Variants in RIMKLB observed in about 807,000 individuals in gnomAD.
RIMKLB encodes the protein beta-citrylglutamate synthase B.
RIMKLB carries 7 observed loss-of-function variants against 32.0 expected under a neutral mutation model. That is an observed-to-expected ratio of 0.22 (90% CI 0.12 to 0.41). RIMKLB has a LOEUF of 0.41. Ranked by LOEUF, RIMKLB falls within the 10% of genes least tolerant of loss-of-function variation. The pLI is 1.00. For synonymous variants in RIMKLB, 172 were observed against 185.1 expected (o/e 0.93, Z 0.57); for missense variants, 289 against 498.7 (o/e 0.58, Z 4.00).
chr12:8,765,777 G>A (rs959836294), intron 5 of RIMKLB, among the ~76,000 whole-genome samples: 4 of 151,964 alleles, frequency 2.6e-5, no homozygotes, highest in African/African-American at 9.7e-5. Flanking sequence ...GGGGACACCG[G>A]GATAGGGAGG....
At chr12:8,720,214 C>T (rs113248870) in intron 2 of RIMKLB, among the ~76,000 whole-genome samples, 9 of 152,156 alleles carry the variant, frequency 5.9e-5, no homozygotes, top group African/African-American at 9.7e-5. Flanking sequence ...TTTGACACCA[C>T]AAAATCCATA....
chr12:8,763,956 G>A (rs924976857), intron 5 of RIMKLB, among the ~76,000 whole-genome samples: 1 of 152,156 alleles, frequency 6.6e-6, no homozygotes, highest in African/African-American at 2.4e-5. Context: ...GTCCAGAACT[G>A]TAAACCACTC....
At position 8,775,969 on chromosome 12, in the gene RIMKLB, T is replaced by C. The variant is rs1950702288; in HGVS notation, c.*2185T>C. 3.1e-6 allele frequency: 3 copies of C among 983,308 alleles called. No homozygotes were observed. Among genetic ancestry groups the C allele is most frequent in the South Asian group, 9.4e-5 (2 of 21,262 alleles). 60.9% of individuals were successfully genotyped at this position (983,308 alleles called of 1,614,324 possible). Reference sequence around the variant, plus strand: ...CGCTGAATGACCATACTGTGGAGGATGCATACTATTTGGTATAGAGAAATA... The same window carrying C: ...CGCTGAATGACCATACTGTGGAGGACGCATACTATTTGGTATAGAGAAATA... On this transcript the variant is annotated 3_prime_UTR_variant, in exon 6 of 6. Coordinates refer to ENST00000535829, the MANE Select transcript of RIMKLB (RefSeq NM_001297776.2).
chr12:8,678,161 CT>C (rs879939831), upstream of RIMKLB, among the ~76,000 whole-genome samples: 394 of 150,464 alleles, frequency 2.6e-3, no homozygotes, highest in Non-Finnish European at 4.8e-3. Flanking sequence ...TCTTATTTTT[CT>C]TTTTTTTAAT....
In RIMKLB at chr12:8,692,121, T is replaced by C. The variant is rs76437386; in HGVS notation, n.219+10303T>C. 1.4e-3 allele frequency among the ~76,000 whole-genome samples: 213 copies of C among 152,304 alleles called. 2 individuals are homozygous for C. In the East Asian group the frequency reaches 0.017, roughly 12 times the overall value. ...TCTTCTTTCATTCTTCCCAGGTTGT[T>C]ATACTTCTAAGATCCTCCCAAAGAC... On this transcript the variant is annotated intron_variant and non_coding_transcript_variant, in intron 1 of 1. Coordinates refer to the RIMKLB transcript ENST00000538758.
At chr12:8,744,899 G>A (rs1440828738) in intron 2 of RIMKLB, among the ~76,000 whole-genome samples, 2 of 151,786 alleles carry the variant, frequency 1.3e-5, no homozygotes, top group African/African-American at 4.9e-5. Flanking sequence ...ACAACGTGCA[G>A]GTTTGTTACA....
In RIMKLB at chr12:8,753,641, C is replaced by T. The variant is rs539980581; in HGVS notation, c.494-249C>T. Among the ~76,000 whole-genome samples, 31 of 152,256 alleles carry T rather than the reference C, an allele frequency of 2.0e-4. 1 individual carries two copies. Among genetic ancestry groups the T allele is most frequent in the South Asian group, 1.0e-3 (5 of 4,828 alleles). ...GAAGTACAAATCTAGACCCCTGCCT[C>T]AGCATATATCAAAATAAATTTTAGT... On this transcript the variant is annotated intron_variant, in intron 4 of 5. Coordinates refer to ENST00000535829, the MANE Select transcript of RIMKLB (RefSeq NM_001297776.2).
intron 5 of RIMKLB, among the ~76,000 whole-genome samples, chr12:8,769,578 TTTTTC>T (rs1196141558): frequency 6.6e-6 from 1 of 152,184 alleles, no homozygotes; most frequent in Non-Finnish European, 1.5e-5. Flanking sequence ...TTCCTTTTTC[TTTTTC>T]TTTTCTAATT....
At chr12:8,739,949 C>G (rs1947347356) in intron 2 of RIMKLB, among the ~76,000 whole-genome samples, 1 of 152,156 alleles carries the variant, frequency 6.6e-6, no homozygotes, top group Admixed American at 6.5e-5. Context: ...GCTCTGTCAC[C>G]CAGGCTGGGG....
At chr12:8,754,207 C>T (rs945431570) in intron 5 of RIMKLB, 114 bp downstream of exon 5, 1 of 726,550 alleles carries the variant, frequency 1.4e-6, no homozygotes, top group Non-Finnish European at 2.3e-6. Context: ...AACGTATTTC[C>T]TTTTACATGT....
chr12:8,724,609 G>A (rs1286373969), intron 2 of RIMKLB, among the ~76,000 whole-genome samples: 2 of 152,180 alleles, frequency 1.3e-5, no homozygotes, highest in Non-Finnish European at 2.9e-5. Context: ...TGCCACTTGG[G>A]TCTGCAGCAC....
chr12:8,725,510 G>C (rs893549911), intron 2 of RIMKLB, among the ~76,000 whole-genome samples: 4 of 152,066 alleles, frequency 2.6e-5, no homozygotes, highest in Admixed American at 2.6e-4. Flanking sequence ...CTGACGTCAG[G>C]ATGCTCTACT....
the RIMKLB span, among the ~76,000 whole-genome samples, chr12:8,676,542 G>A: frequency 1.3e-5 from 2 of 151,444 alleles, no homozygotes; most frequent in South Asian, 2.1e-4. Flanking sequence ...AGGACTACGG[G>A]TGTGCACCAC....
rs762325769 is a variant in RIMKLB at position 8,774,979 on chromosome 12, T to C, written c.*1195T>C. 116 of 985,424 alleles carry C rather than the reference T, an allele frequency of 1.2e-4. No individual in the cohort carries two copies. Among genetic ancestry groups the C allele is most frequent in the Non-Finnish European group, 1.4e-4 (114 of 829,818 alleles). The allele number at this position is 985,424 out of a possible 1,614,324, so 61.0% of individuals were successfully genotyped here. On this transcript the variant is annotated 3_prime_UTR_variant, in exon 6 of 6. Coordinates refer to ENST00000535829, the MANE Select transcript of RIMKLB (RefSeq NM_001297776.2). ...AAATGGAGCATGATGGGAAACAGAG[T>C]TTTTGACTTTAAAAAACAGATGAGT... is the stretch of plus-strand genomic sequence containing the variant.
chr12:8,748,554 G>A (rs1398359057), intron 2 of RIMKLB, among the ~76,000 whole-genome samples: 37 of 109,536 alleles, frequency 3.4e-4, no homozygotes, highest in Middle Eastern at 4.9e-3. Flanking sequence ...GTGTGTGTGT[G>A]TGTGCATATA....
intron 2 of RIMKLB, among the ~76,000 whole-genome samples, chr12:8,744,894 G>A (rs1206094514): frequency 2.6e-5 from 4 of 151,558 alleles, no homozygotes; most frequent in African/African-American, 7.3e-5. Context: ...TGTGTACAAC[G>A]TGCAGGTTTG....
In RIMKLB at chr12:8,773,852, A is replaced by G. The variant is rs765635300; in HGVS notation, c.*68A>G. On this transcript the variant is annotated 3_prime_UTR_variant, in exon 6 of 6. Coordinates refer to ENST00000535829, the MANE Select transcript of RIMKLB (RefSeq NM_001297776.2). ...TTCTTCTTTTCTATTTTTAAAACCA[A>G]CTTGCAATGCTGTTCATGGAGGATG... The G allele has an allele frequency of 3.0e-4, 454 of 1,531,356 alleles. No homozygotes were observed. The highest frequency in any genetic ancestry group is 9.0e-4 in the Middle Eastern group (4 of 4,466). The allele number at this position is 1,531,356 out of a possible 1,614,324, so 94.9% of individuals were successfully genotyped here. A position where few individuals can be genotyped will look rare whatever the true frequency, so the allele number is the denominator to read the frequency against.
intron 2 of RIMKLB, among the ~76,000 whole-genome samples, chr12:8,748,973 GTAT>G (rs1948393714): frequency 6.6e-6 from 1 of 151,960 alleles, no homozygotes; most frequent in African/African-American, 2.4e-5. Context: ...CCTTGTTTGT[GTAT>G]TATTTGGGGT....
At chr12:8,671,083 A>G in the RIMKLB span, among the ~76,000 whole-genome samples, 1 of 151,650 alleles carries the variant, frequency 6.6e-6, no homozygotes, top group African/African-American at 2.4e-5. Context: ...TGAAACCACA[A>G]TTTCCTCCTG....
Sources: allele counts gnomAD v4.1 joint callset (sites outside exome capture counted in the v4.1 genomes callset), GRCh38; gene constraint gnomAD v4.1.1; transcripts MANE v1.5; gene names NCBI Gene and HGNC (gene_info 2026-07-23, HGNC 2026-07-21).